NBPF15: variants seen among roughly 807,000 people sequenced by gnomAD.
NBPF15 encodes the protein NBPF member 15.
NBPF15 carries 74 observed loss-of-function variants against 62.2 expected under a neutral mutation model. The observed-to-expected ratio is 1.19, with a 90% CI of 0.99 to 1.44. The LOEUF is 1.44. Ranked by LOEUF, NBPF15 falls within the 40% of genes most tolerant of loss-of-function variation. The pLI is 0.00. For synonymous variants in NBPF15, 244 were observed against 209.7 expected (o/e 1.16, Z -1.41); for missense variants, 790 against 550.0 (o/e 1.44, Z -4.36).
At chr1:144,451,810 TCTACTTCTTC>T (rs1691352465) in intron 4 of NBPF15, among the ~76,000 whole-genome samples, 1 of 151,336 alleles carries the variant, frequency 6.6e-6, no homozygotes, top group Admixed American at 6.6e-5. Flanking sequence ...GTCTCTTATG[TCTACTTCTTC>T]CTACACAGAC....
chr1:144,427,957 A>C lies in NBPF15; in HGVS notation c.1074T>G (p.Pro358=), dbSNP rs782808387. Residue 358 remains proline, a synonymous_variant, in exon 16 of 22, where the codon CCT becomes CCG. Coordinates refer to ENST00000581897, the MANE Select transcript of NBPF15 (RefSeq NM_001385408.1). ...LSRELLDEKE[P]EVLQDSLDRC... ...TATCCAGTGAGTCCTGCAAGACTTC[A>C]GGCTCTTTCTCATCCAGCAGCTCCC... is the stretch of plus-strand genomic sequence containing the variant. 1.3e-6 allele frequency: 1 copy of C among 783,018 alleles called. No homozygotes were observed. Among genetic ancestry groups the C allele is most frequent in the East Asian group, 2.4e-5 (1 of 41,128 alleles). The allele number at this position is 783,018 out of a possible 1,614,324, so 48.5% of individuals were successfully genotyped here.
intron 12 of NBPF15, among the ~76,000 whole-genome samples, chr1:144,434,625 A>G (rs1221717298): frequency 6.6e-6 from 1 of 151,052 alleles, no homozygotes; most frequent in Non-Finnish European, 1.5e-5. Flanking sequence ...AGTAAAGAAG[A>G]AAAGTTTCCG....
intron 5 of NBPF15, among the ~76,000 whole-genome samples, chr1:144,449,517 A>T (rs587761115): frequency 4.3e-4 from 66 of 151,798 alleles, no homozygotes; most frequent in African/African-American, 1.5e-3. Context: ...CAAACTTTTG[A>T]CACACAAAAC....
At chr1:144,429,436 A>G (rs1369024375) in intron 14 of NBPF15, among the ~76,000 whole-genome samples, 1 of 151,308 alleles carries the variant, frequency 6.6e-6, no homozygotes, top group Non-Finnish European at 1.5e-5. Context: ...AGTTTGCCAC[A>G]CCTGCCTTGA....
At position 144,451,804 on chromosome 1, in the gene NBPF15, CTTA is replaced by C. The variant is rs751913770; in HGVS notation, c.-431-937_-431-935del. Among the ~76,000 whole-genome samples, 38 of 151,412 alleles carry C rather than the reference CTTA, an allele frequency of 2.5e-4. 1 individual carries two copies. Among genetic ancestry groups the C allele is most frequent in the Non-Finnish European group, 4.0e-4 (27 of 67,922 alleles). On this transcript the variant is annotated intron_variant, in intron 4 of 21. Transcript: ENST00000581897. Reference sequence around the variant, plus strand: ...CTTAGTACAGAACAAAATGGAGTCTCTTATGTCTACTTCTTCCTACACAGACAC... The same window carrying C: ...CTTAGTACAGAACAAAATGGAGTCTCTGTCTACTTCTTCCTACACAGACAC...
intron 13 of NBPF15, among the ~76,000 whole-genome samples, chr1:144,430,951 C>T (rs1356526663): frequency 3.3e-5 from 5 of 151,922 alleles, no homozygotes; most frequent in African/African-American, 1.2e-4. Flanking sequence ...GTAGCCAATT[C>T]GATCAAGTGC....
In NBPF15 at chr1:144,424,589, AATGAC is replaced by A. The variant is rs1281117207; in HGVS notation, c.1663+96_1663+100del. 2.7e-5 allele frequency: 18 copies of A among 656,824 alleles called. No homozygotes were observed. The East Asian group carries it at 4.6e-4, about 17-fold the overall frequency. 40.7% of individuals were successfully genotyped at this position (656,824 alleles called of 1,614,324 possible). On this transcript the variant is annotated intron_variant, in intron 20 of 21. Coordinates refer to ENST00000581897, the MANE Select transcript of NBPF15 (RefSeq NM_001385408.1). ...TGTGCCTATAGGTCCTCACTGCGGC[AATGAC>A]ATCTCTCAGCTCAGTAATGGCCAAT...
At chr1:144,453,730 A>T (rs1208609752) in intron 4 of NBPF15, among the ~76,000 whole-genome samples, 2 of 147,198 alleles carry the variant, frequency 1.4e-5, no homozygotes, top group Non-Finnish European at 3.0e-5. Flanking sequence ...AAAGATGCTC[A>T]AAATCATTTG....
rs1188652967 is a variant in NBPF15, at chr1:144,423,915, C to T, written c.1724G>A (p.Arg575Lys). 3.8e-5 allele frequency: 30 copies of T among 795,696 alleles called. No homozygotes were observed. Among genetic ancestry groups the T allele is most frequent in the South Asian group, 3.1e-4 (23 of 75,106 alleles). The allele number at this position is 795,696 out of a possible 1,614,324, so 49.3% of individuals were successfully genotyped here. ...ATCTTCCCCTTCTTTTCTTCCCCTT[C>T]TTCTTTTCTTCTTTGATCTTCTTCC... ...RRGRRSKKKR[R>K]RGRKEGEDDN... Residue 575 changes from arginine (R) to lysine (K), a missense_variant, in exon 21 of 22, where the codon AGA becomes AAA. Coordinates refer to ENST00000581897, the MANE Select transcript of NBPF15 (RefSeq NM_001385408.1).
intron 4 of NBPF15, among the ~76,000 whole-genome samples, chr1:144,451,977 C>A (rs148365341): frequency 6.6e-6 from 1 of 151,614 alleles, no homozygotes; most frequent in African/African-American, 2.4e-5. Flanking sequence ...CATGAAGAAT[C>A]CCTGTCTCTA....
chr1:144,455,729 C>G (rs1456481337), intron 4 of NBPF15, among the ~76,000 whole-genome samples: 5 of 150,530 alleles, frequency 3.3e-5, no homozygotes, highest in Non-Finnish European at 7.4e-5. Flanking sequence ...TGGACGGCCA[C>G]GTGAGAAGGA....
Position 144,422,874 on chromosome 1 carries a change from T to C in NBPF15, c.*139A>G, listed in dbSNP as rs1444778212. 82 of 1,585,474 alleles carry C rather than the reference T, an allele frequency of 5.2e-5. 1 individual carries two copies. In the South Asian group the frequency reaches 5.6e-4, roughly 11 times the overall value. On this transcript the variant is annotated 3_prime_UTR_variant, in exon 22 of 22. Coordinates refer to ENST00000581897, the MANE Select transcript of NBPF15 (RefSeq NM_001385408.1). The stretch of plus-strand genomic sequence containing the variant: ...GAGCACAGGTTGCCAATGGCATGGT[T>C]TGAGAATAGGAATAGAGCCATGCTC...
intron 13 of NBPF15, among the ~76,000 whole-genome samples, chr1:144,430,579 A>T (rs1673438610): frequency 6.6e-6 from 1 of 150,562 alleles, no homozygotes; most frequent in African/African-American, 2.4e-5. Flanking sequence ...GGTCACCATC[A>T]TCAAAGACCA....
chr1:144,428,280 G>A (rs1298369987), intron 15 of NBPF15, among the ~76,000 whole-genome samples: 1 of 151,696 alleles, frequency 6.6e-6, no homozygotes, highest in African/African-American at 2.4e-5. Context: ...CTGTATTTGT[G>A]CTCTCAGGAC....
chr1:144,436,478 G>T (rs1553541256), intron 10 of NBPF15, among the ~76,000 whole-genome samples: 1 of 151,826 alleles, frequency 6.6e-6, no homozygotes, highest in African/African-American at 2.4e-5. Context: ...GAGACAATTT[G>T]TCTGCCACGG....
At position 144,445,352 on chromosome 1, in the gene NBPF15, TATACACAC is replaced by T. The variant is rs1266314551; in HGVS notation, c.-191+3415_-191+3422del. Among the ~76,000 whole-genome samples the T allele has an allele frequency of 1.9e-4, 22 of 115,146 alleles. 1 individual carries two copies. The highest frequency in any genetic ancestry group is 4.9e-3 in the Middle Eastern group (1 of 206). The allele number at this position is 115,146 out of a possible 152,430, so 75.5% of individuals were successfully genotyped here. On this transcript the variant is annotated intron_variant, in intron 6 of 21. Coordinates refer to ENST00000581897, the MANE Select transcript of NBPF15 (RefSeq NM_001385408.1). ...CGGTGAATATATATATATATATATA[TATACACAC>T]ACACACACACACACACACACACGTT...
At chr1:144,434,862 C>G (rs1439272743) in intron 12 of NBPF15, among the ~76,000 whole-genome samples, 1 of 151,982 alleles carries the variant, frequency 6.6e-6, no homozygotes, top group Admixed American at 6.6e-5. Flanking sequence ...ACAGATATGG[C>G]CTGTGCACCT....
At chr1:144,448,165 C>T (rs1469032175) in intron 6 of NBPF15, among the ~76,000 whole-genome samples, 3 of 152,040 alleles carry the variant, frequency 2.0e-5, no homozygotes, top group Admixed American at 1.3e-4. Flanking sequence ...GAAGGCAGAC[C>T]CATCCCTGCT....
chr1:144,429,260 C>T (rs1323395241), intron 14 of NBPF15, among the ~76,000 whole-genome samples: 2 of 148,646 alleles, frequency 1.3e-5, no homozygotes, highest in African/African-American at 2.6e-5. Context: ...ACATCTTTCA[C>T]TGAGAAGTAG....
Sources: gnomAD v4.1 joint callset for allele counts (sites outside exome capture counted in the v4.1 genomes callset) on GRCh38, gnomAD v4.1.1 for gene constraint, MANE v1.5 for transcripts, NCBI Gene and HGNC (gene_info 2026-07-23, HGNC 2026-07-21) for gene names.